The following OPALIN variants were observed in gnomAD, a reference collection of about 807,000 sequenced individuals.
OPALIN encodes oligodendrocytic myelin paranodal and inner loop protein, also known as transmembrane protein 10.
OPALIN carries 15 observed loss-of-function variants against 17.8 expected under a neutral mutation model. That is an observed-to-expected ratio of 0.84 (90% confidence interval 0.56 to 1.29). The LOEUF is 1.29. Ranked by LOEUF, OPALIN falls within the 50% of genes most tolerant of loss-of-function variation. The probability of loss-of-function intolerance (pLI) is 0.00; values close to 1 mark genes in which losing one functional copy is unlikely to be tolerated. For missense variants in OPALIN, 170 were observed against 176.0 expected, an observed-to-expected ratio of 0.97 and a Z score of 0.19; for synonymous variants, 62 against 63.8, an observed-to-expected ratio of 0.97 and a Z score of 0.14.
intron 1 of OPALIN, among the ~76,000 whole-genome samples, chr10:96,356,319 C>T (rs2861575): frequency 0.82 from 124,539 of 152,174 alleles, 52,102 homozygotes; most frequent in East Asian, 0.98. Flanking sequence ...ACAATGCATT[C>T]ATTAAGTTTT....
Position 96,357,627 on chromosome 10 carries a change from C to T in OPALIN, c.3+1267G>A, listed in dbSNP as rs141435080. Among the ~76,000 whole-genome samples, 1,171 of 152,300 alleles carry T rather than the reference C, an allele frequency of 7.7e-3. 6 individuals are homozygous for T. The highest frequency in any genetic ancestry group is 0.012 in the Non-Finnish European group (829 of 68,036). On this transcript the variant is annotated intron_variant, in intron 1 of 5. Transcript: ENST00000371172. ...CTCAAAATGGGATACTATTAACTTGCCTTGCCCACTTCACAAGGGAATACC... is the reference window on the plus strand; with the variant it reads ...CTCAAAATGGGATACTATTAACTTGTCTTGCCCACTTCACAAGGGAATACC...
At chr10:96,355,205 T>C (rs1364393084) in intron 2 of OPALIN, 50 bp downstream of exon 2, 1 of 1,576,738 alleles carries the variant, frequency 6.3e-7, no homozygotes, top group East Asian at 2.3e-5. Context: ...CTGTAAATTC[T>C]GCACTGGTCT....
At position 96,353,299 on chromosome 10, in the gene OPALIN, G is replaced by A. The variant is rs527921877; in HGVS notation, c.40-1889C>T. On this transcript the variant is annotated intron_variant, in intron 2 of 5. Coordinates refer to ENST00000371172, the MANE Select transcript of OPALIN (RefSeq NM_033207.5). Reference sequence around the variant, plus strand: ...TCCTCAGCAGGGACTGGCCAGCAGGGAGCCCTGTTCCAAACTTCCCGCAGA... The same window carrying A: ...TCCTCAGCAGGGACTGGCCAGCAGGAAGCCCTGTTCCAAACTTCCCGCAGA... 16 of 1,344,616 alleles carry A rather than the reference G, an allele frequency of 1.2e-5. 1 individual carries two copies. The highest frequency in any genetic ancestry group is 2.4e-4 in the Middle Eastern group (1 of 4,106). The allele number at this position is 1,344,616 out of a possible 1,614,324, so 83.3% of individuals were successfully genotyped here.
rs184296658 is a variant in OPALIN, at chr10:96,350,561, T to A, written c.73-735A>T. On this transcript the variant is annotated intron_variant, in intron 3 of 5. Coordinates refer to ENST00000371172, the MANE Select transcript of OPALIN (RefSeq NM_033207.5). ...ATTAAAAAAATTTATTTGCACTTAA[T>A]GTAAATGACGAGTTAATGGGTGCAG... Among the ~76,000 whole-genome samples, 484 of 152,308 alleles carry A rather than the reference T, an allele frequency of 3.2e-3. 6 individuals are homozygous for A. The highest frequency in any genetic ancestry group is 0.024 in the Middle Eastern group (7 of 294).
rs1159834157 is a variant in OPALIN, at chr10:96,344,871, AT to A, written c.*1069del. The A allele has an allele frequency of 6.6e-6, 1 of 152,234 alleles. No homozygotes were observed. The highest frequency in any genetic ancestry group is 1.9e-4 in the East Asian group (1 of 5,202). The allele number at this position is 152,234 out of a possible 1,614,324, so 9.4% of individuals were successfully genotyped here. On this transcript the variant is annotated 3_prime_UTR_variant, in exon 6 of 6. Transcript: ENST00000371172. ...TGTAAAGACAAAGTGTTGTTTTAAT[AT>A]GAAACATGAATTTCCATCAACATTA...
At chr10:96,349,603 A>T (rs774825856) in intron 4 of OPALIN, 104 bp downstream of exon 4, 34 of 1,312,332 alleles carry the variant, frequency 2.6e-5, no homozygotes, top group Non-Finnish European at 3.3e-5. Flanking sequence ...TGTCCTCAGG[A>T]AATAGACATG....
chr10:96,353,202 T>G (rs1051428584), intron 2 of OPALIN, among the ~76,000 whole-genome samples: 3 of 152,204 alleles, frequency 2.0e-5, no homozygotes, highest in African/African-American at 7.2e-5. Context: ...ATGCAGTGTC[T>G]TAGTCCCATT....
rs1845179117 is a variant in OPALIN at position 96,343,472 on chromosome 10, A to G, written c.*2469T>C. 1 of 152,236 alleles carries G rather than the reference A, an allele frequency of 6.6e-6. No individual in the cohort carries two copies. Among genetic ancestry groups the G allele is most frequent in the Admixed American group, 6.5e-5 (1 of 15,290 alleles). The allele number at this position is 152,236 out of a possible 1,614,324, so 9.4% of individuals were successfully genotyped here. A position where few individuals can be genotyped will look rare whatever the true frequency, so the allele number is the denominator to read the frequency against. Reference sequence around the variant, plus strand: ...CAGCCTTACAACCACCCCATGGGCTAAAAGGATGGAGGATGAGAACTGCTG... The same window carrying G: ...CAGCCTTACAACCACCCCATGGGCTGAAAGGATGGAGGATGAGAACTGCTG... On this transcript the variant is annotated 3_prime_UTR_variant, in exon 6 of 6. Transcript: ENST00000371172.
intron 2 of OPALIN, among the ~76,000 whole-genome samples, chr10:96,354,871 G>A (rs981771476): frequency 5.3e-5 from 8 of 150,314 alleles, no homozygotes; most frequent in East Asian, 1.9e-4. Flanking sequence ...TGAGGTGGGC[G>A]GATCACCTGA....
chr10:96,349,597 C>T (rs1292745776), intron 4 of OPALIN, 110 bp downstream of exon 4: 2 of 1,260,082 alleles, frequency 1.6e-6, no homozygotes, highest in African/African-American at 3.0e-5. Context: ...GCATCTTGTC[C>T]TCAGGAAATA....
chr10:96,355,096 CAAAAAAAAAAAAAAAAAAAA>C lies in OPALIN; in HGVS notation c.39+139_39+158del, dbSNP rs56995726. 3.2e-3 allele frequency among the ~76,000 whole-genome samples: 145 copies of C among 45,208 alleles called. 1 individual carries two copies. The highest frequency in any genetic ancestry group is 0.048 in the Middle Eastern group (2 of 42). The allele number at this position is 45,208 out of a possible 152,430, so 29.7% of individuals were successfully genotyped here. The stretch of plus-strand genomic sequence containing the variant: ...TGGGTGACAGAGCAAGACCTTGTCT[CAAAAAAAAAAAAAAAAAAAA>C]AAAAAAAAAAAAAAAAAAAAGAAAG... On this transcript the variant is annotated intron_variant, in intron 2 of 5. Transcript: ENST00000371172.
chr10:96,352,789 A>G (rs1191873178), intron 2 of OPALIN, among the ~76,000 whole-genome samples: 2 of 152,074 alleles, frequency 1.3e-5, no homozygotes, highest in African/African-American at 4.8e-5. Context: ...GGACCTTGGA[A>G]CGGGGAACTT....
chr10:96,351,075 G>A (rs2134020107), intron 3 of OPALIN, among the ~76,000 whole-genome samples: 1 of 152,298 alleles, frequency 6.6e-6, no homozygotes, highest in East Asian at 1.9e-4. Context: ...CCTTGTGCGT[G>A]ACCACTATTC....
intron 2 of OPALIN, among the ~76,000 whole-genome samples, chr10:96,354,964 G>A (rs1845743692): frequency 6.6e-6 from 1 of 151,776 alleles, no homozygotes; most frequent in Non-Finnish European, 1.5e-5. Flanking sequence ...GGATATGGTG[G>A]TGCACACCTG....
At chr10:96,356,471 T>C (rs1845823016) in intron 1 of OPALIN, among the ~76,000 whole-genome samples, 1 of 152,210 alleles carries the variant, frequency 6.6e-6, no homozygotes, top group Non-Finnish European at 1.5e-5. Flanking sequence ...ACCCAGGGAC[T>C]TATCAGAAAT....
rs185207940 is a variant in OPALIN at position 96,343,418 on chromosome 10, C to T, written c.*2523G>A. 1 of 152,358 alleles carries T rather than the reference C, an allele frequency of 6.6e-6. No individual in the cohort carries two copies. Among genetic ancestry groups the T allele is most frequent in the Non-Finnish European group, 1.5e-5 (1 of 68,040 alleles). 9.4% of individuals were successfully genotyped at this position (152,358 alleles called of 1,614,324 possible). On this transcript the variant is annotated 3_prime_UTR_variant, in exon 6 of 6. Transcript: ENST00000371172. ...CAAGTCATCCCTCACTTTATAGCTA[C>T]ATGGCTTAGTCACATGCATATTTCA...
At chr10:96,354,568 T>A (rs1401745891) in intron 2 of OPALIN, among the ~76,000 whole-genome samples, 1 of 152,156 alleles carries the variant, frequency 6.6e-6, no homozygotes, top group African/African-American at 2.4e-5. Context: ...AACATTTAGA[T>A]ATAAAATTAT....
Position 96,358,998 on chromosome 10 carries a change from C to T in OPALIN, c.-102G>A. The T allele has an allele frequency of 7.2e-7, 1 of 1,391,222 alleles. No individual in the cohort carries two copies. The highest frequency in any genetic ancestry group is 1.0e-6 in the Non-Finnish European group (1 of 977,722). The allele number at this position is 1,391,222 out of a possible 1,614,324, so 86.2% of individuals were successfully genotyped here. On this transcript the variant is annotated 5_prime_UTR_variant, in exon 1 of 6. Coordinates refer to ENST00000371172, the MANE Select transcript of OPALIN (RefSeq NM_033207.5). The stretch of plus-strand genomic sequence containing the variant: ...GTCTTTCATTTGTAGGAACAGTTAA[C>T]TGACAAAGCTGCAGAGGCAGGCTGA...
chr10:96,358,186 T>TAAAAAAAAAAAAAAAAAAAAAA lies in OPALIN; in HGVS notation c.3+686_3+707dup, dbSNP rs61616596. On this transcript the variant is annotated intron_variant, in intron 1 of 5. Coordinates refer to ENST00000371172, the MANE Select transcript of OPALIN (RefSeq NM_033207.5). The stretch of plus-strand genomic sequence containing the variant: ...CTACTCCTTTTAACAATGCTTTTTG[T>TAAAAAAAAAAAAAAAAAAAAAA]AAAAAAAAAAAAAAAAAAAAAAAAA... Among the ~76,000 whole-genome samples the TAAAAAAAAAAAAAAAAAAAAAA allele has an allele frequency of 3.2e-5, 2 of 61,586 alleles. 1 individual carries two copies. Among genetic ancestry groups the TAAAAAAAAAAAAAAAAAAAAAA allele is most frequent in the Non-Finnish European group, 6.1e-5 (2 of 32,958 alleles). The allele number at this position is 61,586 out of a possible 152,430, so 40.4% of individuals were successfully genotyped here.
Sources: allele counts gnomAD v4.1 joint callset (sites outside exome capture counted in the v4.1 genomes callset), GRCh38; gene constraint gnomAD v4.1.1; transcripts MANE v1.5; gene names NCBI Gene and HGNC (gene_info 2026-07-23, HGNC 2026-07-21).